The following RUNDC3B variants were observed in gnomAD, a reference collection of about 807,000 sequenced individuals.
RUNDC3B encodes RUN domain-containing protein 3B.
Under a neutral mutation model 58.4 loss-of-function variants are expected in RUNDC3B, and 33 were observed. The observed-to-expected ratio is 0.56, with a 90% confidence interval of 0.43 to 0.75. RUNDC3B has a LOEUF of 0.75. Among genes scored for constraint, RUNDC3B ranks in the 30% least tolerant of loss-of-function variants. The probability of loss-of-function intolerance (pLI) is 0.00; values close to 1 mark genes in which losing one functional copy is unlikely to be tolerated. For missense variants in RUNDC3B, 501 were observed against 535.7 expected (o/e 0.94, Z 0.64); for synonymous variants, 193 against 195.2 (o/e 0.99, Z 0.10).
intron 6 of RUNDC3B, among the ~76,000 whole-genome samples, chr7:87,752,024 C>T (rs1833032206): frequency 6.6e-6 from 1 of 152,124 alleles, no homozygotes. Context: ...TCGTAGATAG[C>T]TGTTATCATT....
chr7:87,693,981 C>T (rs1312026155), intron 2 of RUNDC3B: 6 of 1,611,064 alleles, frequency 3.7e-6, no homozygotes, highest in East Asian at 2.2e-5. Flanking sequence ...GGTGATGTCT[C>T]CCGCCACTGA....
chr7:87,716,090 T>A lies in RUNDC3B; in HGVS notation c.458+5435T>A, dbSNP rs191284273. Among the ~76,000 whole-genome samples the A allele has an allele frequency of 7.1e-3, 1,084 of 152,178 alleles. 20 individuals are homozygous for A. The highest frequency in any genetic ancestry group is 0.024 in the African/African-American group (1,010 of 41,518). On this transcript the variant is annotated intron_variant, in intron 4 of 10. Transcript: ENST00000394654. ...ATTAATTGATTAATTAATTAATTTT[T>A]AAAAAAATAAAAAATAAACCACGTT... is the stretch of plus-strand genomic sequence containing the variant.
At chr7:87,710,994 T>TC (rs1422599629) in intron 4 of RUNDC3B, among the ~76,000 whole-genome samples, 1 of 152,180 alleles carries the variant, frequency 6.6e-6, no homozygotes, top group East Asian at 1.9e-4. Flanking sequence ...GCATCTTTTT[T>TC]CTTTTCACCT....
chr7:87,691,788 A>G (rs1828039123), intron 2 of RUNDC3B, among the ~76,000 whole-genome samples: 1 of 152,144 alleles, frequency 6.6e-6, no homozygotes, highest in African/African-American at 2.4e-5. Context: ...ACAACTGACT[A>G]ATTATCCTCC....
chr7:87,815,590 C>T (rs550703124), intron 9 of RUNDC3B, among the ~76,000 whole-genome samples: 7 of 151,994 alleles, frequency 4.6e-5, no homozygotes, highest in African/African-American at 1.4e-4. Flanking sequence ...AGAGTTTAAT[C>T]GTCTTGATGT....
chr7:87,644,480 A>G (rs576099067), intron 1 of RUNDC3B, among the ~76,000 whole-genome samples: 1 of 152,308 alleles, frequency 6.6e-6, no homozygotes, highest in Admixed American at 6.5e-5. Flanking sequence ...CATATTTTGG[A>G]TACTTACGTT....
intron 2 of RUNDC3B, among the ~76,000 whole-genome samples, chr7:87,684,096 CA>C (rs1827206854): frequency 6.6e-6 from 1 of 152,014 alleles, no homozygotes; most frequent in Non-Finnish European, 1.5e-5. Flanking sequence ...AACTTTAATT[CA>C]TGTTAAAAAA....
intron 2 of RUNDC3B, 93 bp from the exon 3 acceptor site, chr7:87,700,328 A>T: frequency 9.1e-7 from 1 of 1,099,662 alleles, no homozygotes. Context: ...TCACTATATT[A>T]CCTTTATTTT....
At chr7:87,671,634 C>A (rs958887655) in intron 2 of RUNDC3B, among the ~76,000 whole-genome samples, 1 of 152,076 alleles carries the variant, frequency 6.6e-6, no homozygotes, top group African/African-American at 2.4e-5. Flanking sequence ...CTGTTGCTGG[C>A]CCAAAGGCAC....
rs1245829430 is a variant in RUNDC3B, at chr7:87,756,337, T to C, written c.630-14244T>C. On this transcript the variant is annotated intron_variant, in intron 6 of 10. Transcript: ENST00000394654. ...TCCTGTTAAGATATTTTTATTTATA[T>C]AAATTTAATTTTGGAAAAAAGGCCA... Among the ~76,000 whole-genome samples, 3 of 152,116 alleles carry C rather than the reference T, an allele frequency of 2.0e-5. No homozygotes were observed. In the East Asian group the frequency reaches 5.8e-4, roughly 29 times the overall value.
intron 10 of RUNDC3B, among the ~76,000 whole-genome samples, chr7:87,823,481 C>G (rs1584294600): frequency 6.6e-6 from 1 of 150,540 alleles, no homozygotes; most frequent in South Asian, 2.1e-4. Flanking sequence ...TGAGTAAGTT[C>G]TTTAGTGGTG....
At chr7:87,752,208 C>A (rs1457541389) in intron 6 of RUNDC3B, among the ~76,000 whole-genome samples, 2 of 152,170 alleles carry the variant, frequency 1.3e-5, no homozygotes, top group Non-Finnish European at 2.9e-5. Flanking sequence ...ACCAGCCTTG[C>A]ATCCCAGGGA....
At chr7:87,652,309 T>G (rs1016954646) in intron 2 of RUNDC3B, among the ~76,000 whole-genome samples, 1 of 152,064 alleles carries the variant, frequency 6.6e-6, no homozygotes, top group Non-Finnish European at 1.5e-5. Context: ...GAGACTCCCA[T>G]GCCAAGTGGT....
chr7:87,764,601 C>T (rs1288017396), intron 6 of RUNDC3B, among the ~76,000 whole-genome samples: 5 of 151,702 alleles, frequency 3.3e-5, no homozygotes, highest in Non-Finnish European at 7.4e-5. Flanking sequence ...TTTATTATTT[C>T]CATCTTTATG....
intron 6 of RUNDC3B, among the ~76,000 whole-genome samples, chr7:87,748,064 A>G (rs1438610914): frequency 1.3e-5 from 2 of 152,142 alleles, no homozygotes; most frequent in Non-Finnish European, 2.9e-5. Flanking sequence ...GTGGAGTTTT[A>G]GCCCCTGCTC....
intron 6 of RUNDC3B, among the ~76,000 whole-genome samples, chr7:87,762,336 T>C (rs1488361990): frequency 1.3e-5 from 2 of 151,562 alleles, no homozygotes; most frequent in African/African-American, 4.8e-5. Context: ...AATAGTATAT[T>C]ATCTTAATCC....
At chr7:87,769,770 A>C (rs1834171505) in intron 6 of RUNDC3B, among the ~76,000 whole-genome samples, 1 of 152,080 alleles carries the variant, frequency 6.6e-6, no homozygotes, top group Non-Finnish European at 1.5e-5. Context: ...CCCTGCATGC[A>C]TTAGGTATTT....
rs1180369850 is a variant in RUNDC3B at position 87,816,252 on chromosome 7, A to G, written c.1215A>G (p.Val405=). 7.5e-6 allele frequency: 12 copies of G among 1,610,628 alleles called. No homozygotes were observed. Among genetic ancestry groups the G allele is most frequent in the East Asian group, 2.2e-5 (1 of 44,800 alleles). The stretch of plus-strand genomic sequence containing the variant: ...ATGGAAAACAAGACACATTAAATGT[A>G]ATGAGTGAAGGTAAGAAAACAAAGA... The part of the protein sequence containing the change: ...EGDGKQDTLN[V]MSEGKEDTPS... The change falls in exon 10 of 11, where the codon GTA becomes GTG. Residue 405 remains valine, a synonymous_variant. Coordinates refer to ENST00000394654, the MANE Select transcript of RUNDC3B (RefSeq NM_001134405.2).
At chr7:87,762,133 G>A (rs1584135309) in intron 6 of RUNDC3B, among the ~76,000 whole-genome samples, 2 of 151,498 alleles carry the variant, frequency 1.3e-5, no homozygotes, top group African/African-American at 2.4e-5. Flanking sequence ...GTGCTATGGG[G>A]TACTTTTTAT....
Sources: gnomAD v4.1 joint callset for allele counts (sites outside exome capture counted in the v4.1 genomes callset) on GRCh38, gnomAD v4.1.1 for gene constraint, MANE v1.5 for transcripts, NCBI Gene and HGNC (gene_info 2026-07-23, HGNC 2026-07-21) for gene names.